Variants in LMX1A observed in about 807,000 individuals in gnomAD.
LMX1A encodes the protein LIM homeobox transcription factor 1-alpha.
LMX1A carries 15 observed loss-of-function variants against 49.1 expected under a neutral mutation model. The observed-to-expected ratio is 0.31, with a 90% CI of 0.20 to 0.47. The LOEUF (loss-of-function observed/expected upper bound fraction) is 0.47. Ranked by LOEUF, LMX1A falls within the 20% of genes least tolerant of loss-of-function variation. The pLI, the probability that LMX1A is intolerant of heterozygous loss-of-function variation, is 1.00. For missense variants in LMX1A, 372 were observed against 475.8 expected (o/e 0.78, Z 2.03); for synonymous variants, 167 against 185.7 (o/e 0.90, Z 0.82).
intron 4 of LMX1A, among the ~76,000 whole-genome samples, chr1:165,231,519 A>G (rs1652241218): frequency 6.6e-6 from 1 of 152,172 alleles, no homozygotes; most frequent in Non-Finnish European, 1.5e-5. Context: ...CCTGGCTTCA[A>G]GTGACCTTCC....
chr1:165,250,822 AC>A (rs1213466221), intron 3 of LMX1A, among the ~76,000 whole-genome samples: 5 of 152,178 alleles, frequency 3.3e-5, no homozygotes, highest in African/African-American at 7.2e-5. Context: ...TGTATTCAAT[AC>A]ATATAAGTCA....
At chr1:165,212,769 T>C (rs965419761) in intron 5 of LMX1A, 1 of 152,362 alleles carries the variant, frequency 6.6e-6, no homozygotes, top group South Asian at 2.1e-4. Context: ...CTTCATCCTA[T>C]GAGTAATTGA....
chr1:165,239,599 A>G (rs928839919), intron 4 of LMX1A, among the ~76,000 whole-genome samples: 1 of 152,236 alleles, frequency 6.6e-6, no homozygotes, highest in African/African-American at 2.4e-5. Flanking sequence ...TGGTAGTGAT[A>G]CTGTGTAAGA....
chr1:165,212,403 G>A (rs375627591), intron 5 of LMX1A, among the ~76,000 whole-genome samples: 12 of 152,136 alleles, frequency 7.9e-5, no homozygotes, highest in Admixed American at 2.0e-4. Context: ...CTGGACCCTC[G>A]AATGATAGAC....
chr1:165,288,770 C>A (rs1385675895), intron 3 of LMX1A, among the ~76,000 whole-genome samples: 1 of 152,220 alleles, frequency 6.6e-6, no homozygotes, highest in Non-Finnish European at 1.5e-5. Context: ...CCTGGCTATT[C>A]AAATAACCCT....
At chr1:165,342,810 T>C (rs1180602626) in intron 3 of LMX1A, among the ~76,000 whole-genome samples, 2 of 151,948 alleles carry the variant, frequency 1.3e-5, no homozygotes, top group East Asian at 3.9e-4. Context: ...AAACTGAGAA[T>C]TGTGATCTCA....
intron 3 of LMX1A, among the ~76,000 whole-genome samples, chr1:165,275,963 C>G (rs1193996949): frequency 6.6e-6 from 1 of 151,182 alleles, no homozygotes; most frequent in Non-Finnish European, 1.5e-5. Flanking sequence ...AAGGAGATGG[C>G]CACAACTGTG....
At chr1:165,350,039 C>A (rs1205420281) in intron 3 of LMX1A, among the ~76,000 whole-genome samples, 1 of 152,002 alleles carries the variant, frequency 6.6e-6, no homozygotes, top group African/African-American at 2.4e-5. Flanking sequence ...ATTTTGGAAA[C>A]CAAGGCACTG....
At chr1:165,335,481 T>G (rs1422881713) in intron 3 of LMX1A, among the ~76,000 whole-genome samples, 1 of 152,118 alleles carries the variant, frequency 6.6e-6, no homozygotes, top group Non-Finnish European at 1.5e-5. Context: ...GCATACCTTC[T>G]GAGAGAAAGT....
At chr1:165,234,813 C>G (rs1652369611) in intron 4 of LMX1A, among the ~76,000 whole-genome samples, 1 of 152,170 alleles carries the variant, frequency 6.6e-6, no homozygotes, top group Admixed American at 6.5e-5. Flanking sequence ...ATTGATGTTT[C>G]TGGAATTTTT....
rs1376805725 is a variant in LMX1A, at chr1:165,355,661, A to G, written c.-22-80T>C. On this transcript the variant is annotated intron_variant, in intron 1 of 8. Coordinates refer to ENST00000342310, the MANE Select transcript of LMX1A (RefSeq NM_177398.4). This position sits in a 1 kb window ranked among gnomAD's most constrained non-coding sequence, Gnocchi z 4.7. Reference sequence around the variant, plus strand: ...CCAGCAGCCACCGCACTCCTGGGAAAGAACTGAGGGAGTGTCCAGGGCGAC... The same window carrying G: ...CCAGCAGCCACCGCACTCCTGGGAAGGAACTGAGGGAGTGTCCAGGGCGAC... 3 of 1,070,498 alleles carry G rather than the reference A, an allele frequency of 2.8e-6. No individual in the cohort carries two copies. The highest frequency in any genetic ancestry group is 4.0e-5 in the Admixed American group (2 of 50,080). 66.3% of individuals were successfully genotyped at this position (1,070,498 alleles called of 1,614,324 possible).
chr1:165,338,979 T>C (rs2101760261), intron 3 of LMX1A, among the ~76,000 whole-genome samples: 1 of 152,316 alleles, frequency 6.6e-6, no homozygotes, highest in Non-Finnish European at 1.5e-5. Context: ...TTCTCCACCA[T>C]TGCACACATC....
At chr1:165,338,355 T>C (rs1655965876) in intron 3 of LMX1A, among the ~76,000 whole-genome samples, 1 of 152,200 alleles carries the variant, frequency 6.6e-6, no homozygotes. Context: ...CTGCACACCA[T>C]TAAATTTTTA....
chr1:165,348,360 C>T (rs1030460790), intron 3 of LMX1A, among the ~76,000 whole-genome samples: 1 of 152,008 alleles, frequency 6.6e-6, no homozygotes, highest in Non-Finnish European at 1.5e-5. Flanking sequence ...GGGACCAATA[C>T]ATATAAAAAG....
intron 3 of LMX1A, among the ~76,000 whole-genome samples, chr1:165,292,061 CAA>C (rs771664986): frequency 0.12 from 9,728 of 82,450 alleles, 1,199 homozygotes; most frequent in African/African-American, 0.38. Context: ...AACTCCGTCT[CAA>C]AAAAAAAAAA....
Position 165,249,393 on chromosome 1 carries a change from C to T in LMX1A, c.496+15G>A, listed in dbSNP as rs1193378189. On this transcript the variant is annotated intron_variant, in intron 4 of 8. Coordinates refer to ENST00000342310, the MANE Select transcript of LMX1A (RefSeq NM_177398.4). ...ACCCACCCCACCGCAGCCCTGCCCACCACCTGGCACTCACCTGAGTCTGAG... is the reference window on the plus strand; with the variant it reads ...ACCCACCCCACCGCAGCCCTGCCCATCACCTGGCACTCACCTGAGTCTGAG... The T allele has an allele frequency of 1.3e-6, 2 of 1,595,984 alleles. No individual in the cohort carries two copies. Among genetic ancestry groups the T allele is most frequent in the African/African-American group, 1.3e-5 (1 of 74,594 alleles).
intron 4 of LMX1A, among the ~76,000 whole-genome samples, chr1:165,227,496 G>A (rs1312029094): frequency 2.0e-5 from 3 of 152,052 alleles, no homozygotes; most frequent in Non-Finnish European, 4.4e-5. Flanking sequence ...AGCCAAGATT[G>A]AGCCACTGCA....
At chr1:165,236,015 C>T (rs575109910) in intron 4 of LMX1A, among the ~76,000 whole-genome samples, 130 of 152,344 alleles carry the variant, frequency 8.5e-4, no homozygotes, top group Non-Finnish European at 1.4e-3. Context: ...CAGCCCGGCC[C>T]GAGCCGGCCC....
At chr1:165,257,315 T>C (rs7513950) in intron 3 of LMX1A, among the ~76,000 whole-genome samples, 12,583 of 151,812 alleles carry the variant, frequency 0.083, 590 homozygotes, top group African/African-American at 0.12. Context: ...AGGAGAAACA[T>C]GTAGAAAGAT....
Sources: gnomAD v4.1 joint callset for allele counts (sites outside exome capture counted in the v4.1 genomes callset) on GRCh38, gnomAD v4.1.1 for gene constraint, Gnocchi (gnomAD v3.1) non-coding constraint, MANE v1.5 for transcripts, NCBI Gene and HGNC (gene_info 2026-07-23, HGNC 2026-07-21) for gene names.